Variants in UNC13C observed in about 807,000 individuals in gnomAD.
UNC13C encodes the protein unc-13 homolog C, also known as protein unc-13 homolog C.
Under a neutral mutation model 245.4 loss-of-function variants are expected in UNC13C, and 174 were observed. The observed-to-expected ratio is 0.71, with a 90% CI of 0.63 to 0.80. The LOEUF (loss-of-function observed/expected upper bound fraction) is 0.80. Among genes scored for constraint, UNC13C ranks in the 30% least tolerant of loss-of-function variants. The pLI is 0.00. For synonymous variants in UNC13C, 992 were observed against 895.1 expected (o/e 1.11, Z -1.93); for missense variants, 2,829 against 2,602.9 (o/e 1.09, Z -1.89).
At chr15:54,155,482 T>C (rs1052742413) in intron 4 of UNC13C, among the ~76,000 whole-genome samples, 2 of 152,224 alleles carry the variant, frequency 1.3e-5, no homozygotes, top group Admixed American at 6.5e-5. Flanking sequence ...GAGGCCATTT[T>C]TGACAATAGA....
chr15:54,447,195 G>A (rs1224825451), intron 19 of UNC13C, among the ~76,000 whole-genome samples: 1 of 152,138 alleles, frequency 6.6e-6, no homozygotes, highest in Non-Finnish European at 1.5e-5. Context: ...CAGTTTGTCA[G>A]TATTTTATTG....
chr15:53,963,139 C>T, the UNC13C span, among the ~76,000 whole-genome samples: 12 of 152,076 alleles, frequency 7.9e-5, no homozygotes, highest in Non-Finnish European at 1.6e-4. Flanking sequence ...CAGCAGAGGG[C>T]GAGCATTAGC....
rs760717165 is a variant in UNC13C, at chr15:54,338,393, C to A, written c.4617C>A (p.Ser1539Arg). The change falls in exon 17 of 33, where the codon AGC (serine) becomes AGA (arginine). Residue 1539 changes from serine (S) to arginine (R), a missense_variant. Transcript: ENST00000260323. ...AGCTGCAAAGCCCCCCAAAAGCGAG[C>A]ATGGTGGTGAAGGACTGTGTAAGGG... Reference protein sequence around the residue: ...VLELQSPPKASMVVKDCVRAC... With the variant: ...VLELQSPPKARMVVKDCVRAC... 4 of 1,612,822 alleles carry A rather than the reference C, an allele frequency of 2.5e-6. No homozygotes were observed. The East Asian group carries it at 8.9e-5, about 36-fold the overall frequency.
intron 8 of UNC13C, among the ~76,000 whole-genome samples, chr15:54,255,398 T>A (rs1240976913): frequency 6.6e-6 from 1 of 152,070 alleles, no homozygotes; most frequent in Non-Finnish European, 1.5e-5. Flanking sequence ...CAGGCTGTCC[T>A]CTGACTGCCC....
intron 4 of UNC13C, among the ~76,000 whole-genome samples, chr15:54,210,264 A>G (rs2034839415): frequency 6.7e-6 from 1 of 149,854 alleles, no homozygotes; most frequent in East Asian, 1.9e-4. Flanking sequence ...ATGGTCTAAC[A>G]AAACCAGTGT....
chr15:54,056,517 C>T (rs938937484), intron 2 of UNC13C, among the ~76,000 whole-genome samples: 2 of 152,150 alleles, frequency 1.3e-5, no homozygotes, highest in East Asian at 1.9e-4. Context: ...GAGAATGGAA[C>T]CAAGTTGGAA....
At chr15:54,136,000 T>C (rs1033155433) in intron 2 of UNC13C, among the ~76,000 whole-genome samples, 2 of 152,156 alleles carry the variant, frequency 1.3e-5, no homozygotes, top group African/African-American at 4.8e-5. Flanking sequence ...TTTCCATTTA[T>C]TTATGTTTTC....
At chr15:53,935,691 A>G in the UNC13C span, among the ~76,000 whole-genome samples, 1 of 152,142 alleles carries the variant, frequency 6.6e-6, no homozygotes, top group African/African-American at 2.4e-5. Flanking sequence ...GGGTGGGGTG[A>G]TGGCCCACCT....
chr15:54,240,101 A>T (rs1009427606), intron 7 of UNC13C, among the ~76,000 whole-genome samples: 11 of 152,256 alleles, frequency 7.2e-5, no homozygotes, highest in African/African-American at 2.6e-4. Flanking sequence ...TTAGCTATTG[A>T]TCTGCTTTTC....
At chr15:54,192,157 T>C (rs572651923) in intron 4 of UNC13C, among the ~76,000 whole-genome samples, 205 of 152,296 alleles carry the variant, frequency 1.3e-3, no homozygotes, top group Non-Finnish European at 2.2e-3. Flanking sequence ...ATTTCTTTAT[T>C]CCTGAATTAG....
chr15:53,959,287 T>G, the UNC13C span, among the ~76,000 whole-genome samples: 1 of 152,160 alleles, frequency 6.6e-6, no homozygotes, highest in East Asian at 1.9e-4. Context: ...ACTGTTTTTT[T>G]TTTCTCTTGT....
intron 30 of UNC13C, among the ~76,000 whole-genome samples, chr15:54,571,641 G>T (rs757396088): frequency 6.6e-6 from 1 of 152,124 alleles, no homozygotes; most frequent in Non-Finnish European, 1.5e-5. Context: ...GATCATACTG[G>T]TGTTATAGTA....
chr15:53,859,441 C>A, the UNC13C span, among the ~76,000 whole-genome samples: 1 of 152,050 alleles, frequency 6.6e-6, no homozygotes, highest in South Asian at 2.1e-4. Context: ...CCAGGTTTGT[C>A]GATATTTCTT....
At chr15:54,331,108 A>G (rs2140993620) in intron 14 of UNC13C, among the ~76,000 whole-genome samples, 1 of 152,164 alleles carries the variant, frequency 6.6e-6, no homozygotes, top group South Asian at 2.1e-4. Context: ...CCTCTGTGAA[A>G]CTACTGAGAA....
chr15:54,393,034 G>A lies in UNC13C; in HGVS notation c.4714-14G>A, dbSNP rs2039992138. ...TAACCTTTTCTTTTGCATGTTGCGT[G>A]AACTTGTGAGCAGAGTAAGAAACAG... On this transcript the variant is annotated splice_polypyrimidine_tract_variant and intron_variant, in intron 17 of 32. Transcript: ENST00000260323. 10 of 1,571,722 alleles carry A rather than the reference G, an allele frequency of 6.4e-6. No individual in the cohort carries two copies. The highest frequency in any genetic ancestry group is 6.0e-6 in the Non-Finnish European group (7 of 1,163,450).
intron 2 of UNC13C, among the ~76,000 whole-genome samples, chr15:54,069,739 G>A (rs1318630277): frequency 2.0e-5 from 3 of 152,210 alleles, no homozygotes; most frequent in Non-Finnish European, 4.4e-5. Context: ...TGTAACGTTA[G>A]ATAACGCCTT....
intron 4 of UNC13C, among the ~76,000 whole-genome samples, chr15:54,205,512 C>G (rs1024857056): frequency 1.3e-5 from 2 of 151,978 alleles, no homozygotes; most frequent in African/African-American, 2.4e-5. Context: ...CGCCTCATAC[C>G]TGCCACACAG....
chr15:54,418,399 G>C (rs2040565118), intron 19 of UNC13C, among the ~76,000 whole-genome samples: 1 of 152,074 alleles, frequency 6.6e-6, no homozygotes, highest in African/African-American at 2.4e-5. Flanking sequence ...TGGAGATCAG[G>C]GAGAATAGAC....
chr15:54,135,915 T>C (rs1296740116), intron 2 of UNC13C, among the ~76,000 whole-genome samples: 1 of 152,158 alleles, frequency 6.6e-6, no homozygotes, highest in Non-Finnish European at 1.5e-5. Context: ...TAGAGATTCC[T>C]TTGAATCTGT....
Sources: gnomAD v4.1 joint callset for allele counts (sites outside exome capture counted in the v4.1 genomes callset) on GRCh38, gnomAD v4.1.1 for gene constraint, MANE v1.5 for transcripts, NCBI Gene and HGNC (gene_info 2026-07-23, HGNC 2026-07-21) for gene names.